Variants in CACTIN observed in about 807,000 individuals in gnomAD.
CACTIN encodes cactin, spliceosome C complex subunit.
A neutral mutation model predicts 84.9 loss-of-function variants in CACTIN; 20 were observed. The observed-to-expected ratio is 0.24, with a 90% confidence interval of 0.17 to 0.34. The LOEUF (loss-of-function observed/expected upper bound fraction) is 0.34, where lower values mean the gene tolerates loss of function less well. CACTIN is among the 10% of genes least tolerant of loss of function. The probability of loss-of-function intolerance (pLI) is 1.00; values close to 1 mark genes in which losing one functional copy is unlikely to be tolerated. For synonymous variants in CACTIN, 549 were observed against 467.9 expected, an observed-to-expected ratio of 1.17 and a Z score of -2.24; for missense variants, 897 against 1,117.2, an observed-to-expected ratio of 0.80 and a Z score of 2.81.
Position 3,623,739 on chromosome 19 carries a change from G to T in CACTIN, c.591C>A (p.Thr197=). 1 of 1,613,690 alleles carries T rather than the reference G, an allele frequency of 6.2e-7. No homozygotes were observed. The change falls in exon 2 of 10, where the codon ACC becomes ACA. Residue 197 remains threonine (T), a synonymous_variant. Coordinates refer to ENST00000429344, the MANE Select transcript of CACTIN (RefSeq NM_001080543.2). The part of the protein sequence containing the change: ...WGEEYMGYTN[T]DNPFGDNNLL... ...GGTTGTTGTCTCCGAAGGGGTTGTC[G>T]GTGTTGGTGTAGCCCATGTACTCCT...
intron 9 of CACTIN, 131 bp from the exon 10 acceptor site, chr19:3,612,544 C>T: frequency 7.5e-7 from 1 of 1,338,656 alleles, no homozygotes. Flanking sequence ...AGCTAAGGCA[C>T]ATGGGGAGGG....
chr19:3,618,073 C>T (rs938403818), intron 6 of CACTIN, among the ~76,000 whole-genome samples: 3 of 151,814 alleles, frequency 2.0e-5, no homozygotes, highest in Admixed American at 1.3e-4. Flanking sequence ...CCGGGTCTAT[C>T]GACAGGGATG....
In CACTIN at chr19:3,612,426, C is replaced by T. The variant is rs771607528; in HGVS notation, c.1787-13G>A. The T allele has an allele frequency of 3.8e-6, 6 of 1,570,492 alleles. No homozygotes were observed. The highest frequency in any genetic ancestry group is 2.3e-5 in the East Asian group (1 of 44,366). On this transcript the variant is annotated splice_polypyrimidine_tract_variant and intron_variant, in intron 9 of 9. Coordinates refer to ENST00000429344, the MANE Select transcript of CACTIN (RefSeq NM_001080543.2). The stretch of plus-strand genomic sequence containing the variant: ...TCGCTGGCGTCTCCTGCGGGCGGGA[C>T]GGCGTTCACCCGGGCCTCGGCCTCC...
Position 3,623,791 on chromosome 19 carries a change from T to C in CACTIN, c.539A>G (p.Lys180Arg), listed in dbSNP as rs770714598. ...ACCCCAGCCCATCTTCTCCCGCTTC[T>C]TGCGCTCCTTGGCCTCCTTCTTGGC... ...RLAKKEAKER[K>R]KREKMGWGEE... The change falls in exon 2 of 10, where the codon AAG (lysine) becomes AGG (arginine). Residue 180 changes from lysine to arginine, a missense_variant. Lys to Arg is a conservative substitution (Grantham distance 26). Transcript: ENST00000429344. The C allele has an allele frequency of 2.2e-5, 36 of 1,613,852 alleles. No homozygotes were observed. The highest frequency in any genetic ancestry group is 5.1e-6 in the Non-Finnish European group (6 of 1,179,896).
intron 2 of CACTIN, 124 bp downstream of exon 2, chr19:3,623,564 T>C (rs2033269269): frequency 2.5e-6 from 2 of 794,230 alleles, no homozygotes; most frequent in Non-Finnish European, 3.9e-6. Flanking sequence ...AGCTTGCTTA[T>C]GCGTGTGTGT....
rs371376477 is a variant in CACTIN, at chr19:3,620,229, C to G, written c.782G>C (p.Arg261Pro). Reference protein sequence around the residue: ...RLEREREKAMREQELEMLQRE... With the variant: ...RLEREREKAMPEQELEMLQRE... ...CTGCAGCATCTCCAGCTCCTGCTCGCGCATGGCCTTCTCCCGCTCCCGCTC... is the reference window on the plus strand; with the variant it reads ...CTGCAGCATCTCCAGCTCCTGCTCGGGCATGGCCTTCTCCCGCTCCCGCTC... The change falls in exon 4 of 10, where the codon CGC becomes CCC. Residue 261 changes from arginine (R) to proline (P), a missense_variant. Around this residue, in one of 8 missense-constraint regions of CACTIN, gnomAD observed 304 missense variants for 444.3 expected, o/e 0.68. Coordinates refer to ENST00000429344, the MANE Select transcript of CACTIN (RefSeq NM_001080543.2). 6.3e-7 allele frequency: 1 copy of G among 1,598,484 alleles called. No homozygotes were observed.
Position 3,611,237 on chromosome 19 carries a change from G to A in CACTIN, c.*686C>T. On this transcript the variant is annotated 3_prime_UTR_variant, in exon 10 of 10. Coordinates refer to ENST00000429344, the MANE Select transcript of CACTIN (RefSeq NM_001080543.2). The stretch of plus-strand genomic sequence containing the variant: ...CGACGCATCCTCCATACCCGCTGCG[G>A]GGAAATGGACCCCACCAGCCAGCAC... The A allele has an allele frequency of 2.3e-6, 1 of 441,042 alleles. No individual in the cohort carries two copies. The highest frequency in any genetic ancestry group is 1.6e-5 in the South Asian group (1 of 62,718). The allele number at this position is 441,042 out of a possible 1,614,324, so 27.3% of individuals were successfully genotyped here.
chr19:3,624,683 G>T (rs1399298339), intron 1 of CACTIN, among the ~76,000 whole-genome samples: 1 of 152,048 alleles, frequency 6.6e-6, no homozygotes, highest in Non-Finnish European at 1.5e-5. Context: ...GAATTATAAG[G>T]GTACGAACCA....
chr19:3,613,468 G>C lies in CACTIN; in HGVS notation c.1474C>G (p.Arg492Gly). The C allele has an allele frequency of 6.3e-7, 1 of 1,578,062 alleles. No homozygotes were observed. Among genetic ancestry groups the C allele is most frequent in the Non-Finnish European group, 8.6e-7 (1 of 1,166,822 alleles). The change falls in exon 8 of 10, where the codon CGC becomes GGC. Residue 492 changes from arginine (R) to glycine (G), a missense_variant. Arg to Gly is a moderately radical substitution (Grantham distance 125). Around this residue, in one of 8 missense-constraint regions of CACTIN, gnomAD observed 243 missense variants for 239.9 expected, o/e 1.01. Transcript: ENST00000429344. Reference sequence around the variant, plus strand: ...CGGGGTGCCGGCCGGGCCTACCTGCGGCTGGGGGACTGGGGCTCCTGCTTG... The same window carrying C: ...CGGGGTGCCGGCCGGGCCTACCTGCCGCTGGGGGACTGGGGCTCCTGCTTG... ...ILKQEPQSPSRSLEPEDAAPT... is the reference protein window; with the variant it reads ...ILKQEPQSPSGSLEPEDAAPT...
In CACTIN at chr19:3,612,422, G is replaced by A. The variant is rs541113330; in HGVS notation, c.1787-9C>T. The stretch of plus-strand genomic sequence containing the variant: ...GCTCTCGCTGGCGTCTCCTGCGGGC[G>A]GGACGGCGTTCACCCGGGCCTCGGC... On this transcript the variant is annotated splice_polypyrimidine_tract_variant and intron_variant, in intron 9 of 9. Coordinates refer to ENST00000429344, the MANE Select transcript of CACTIN (RefSeq NM_001080543.2). 4.5e-5 allele frequency: 71 copies of A among 1,575,930 alleles called. No homozygotes were observed. In the South Asian group the frequency reaches 7.8e-4, roughly 17 times the overall value.
chr19:3,624,106 G>C lies in CACTIN; in HGVS notation c.224C>G (p.Pro75Arg). ...QRSGMRSRSPPRPKWHSRDGS... is the reference protein window; with the variant it reads ...QRSGMRSRSPRRPKWHSRDGS... ...ATCTCTTGAGTGCCACTTGGGCCGC[G>C]GGGGGCTCCGGCTTCGCATCCCTGA... is the stretch of plus-strand genomic sequence containing the variant. The change falls in exon 2 of 10, where the codon CCG (proline) becomes CGG (arginine). Residue 75 changes from proline (P) to arginine (R), a missense_variant. Coordinates refer to ENST00000429344, the MANE Select transcript of CACTIN (RefSeq NM_001080543.2). 15 of 1,588,638 alleles carry C rather than the reference G, an allele frequency of 9.4e-6. No individual in the cohort carries two copies. Among genetic ancestry groups the C allele is most frequent in the South Asian group, 3.3e-5 (3 of 90,644 alleles).
In CACTIN at chr19:3,611,326, G is replaced by A. The variant is rs779948824; in HGVS notation, c.*597C>T. 6.6e-6 allele frequency: 3 copies of A among 454,372 alleles called. No homozygotes were observed. Among genetic ancestry groups the A allele is most frequent in the Non-Finnish European group, 8.8e-6 (2 of 226,506 alleles). 28.1% of individuals were successfully genotyped at this position (454,372 alleles called of 1,614,324 possible). On this transcript the variant is annotated 3_prime_UTR_variant, in exon 10 of 10. Coordinates refer to ENST00000429344, the MANE Select transcript of CACTIN (RefSeq NM_001080543.2). ...TCCACAGAGGGTCTCTTCTGCAGTG[G>A]CGGATCGGGCGCCAGCAGGGTCCCG...
intron 4 of CACTIN, among the ~76,000 whole-genome samples, chr19:3,619,486 G>A (rs1359286669): frequency 6.6e-6 from 1 of 152,232 alleles, no homozygotes; most frequent in African/African-American, 2.4e-5. Flanking sequence ...AGGTGGGCCA[G>A]GTGGGAGGGG....
At chr19:3,618,510 T>C (rs922951856) in intron 6 of CACTIN, among the ~76,000 whole-genome samples, 32 of 152,252 alleles carry the variant, frequency 2.1e-4, no homozygotes, top group African/African-American at 7.7e-4. Context: ...GAAGCTGGGC[T>C]GCACGGCCTT....
intron 6 of CACTIN, chr19:3,614,980 AG>A: frequency 3.1e-6 from 1 of 318,662 alleles, no homozygotes; most frequent in Non-Finnish European, 6.1e-6. Context: ...GCAGTCCATG[AG>A]GGGGTTGGGG....
At chr19:3,614,218 GC>G in intron 7 of CACTIN, among the ~76,000 whole-genome samples, 178 bp downstream of exon 7, 1 of 141,732 alleles carries the variant, frequency 7.1e-6, no homozygotes. Context: ...GGGACTACGC[GC>G]CCCCCGGCCC....
At chr19:3,620,936 C>T (rs1453602424) in intron 2 of CACTIN, 134 bp from the exon 3 acceptor site, 1 of 726,204 alleles carries the variant, frequency 1.4e-6, no homozygotes, top group African/African-American at 1.7e-5. Flanking sequence ...GCACGTCTTC[C>T]ACCCCCTCCT....
At position 3,615,978 on chromosome 19, in the gene CACTIN, G is replaced by A. The variant is rs1028460561; in HGVS notation, c.1163-1389C>T. ...CGAACACTGAAACCCAAGCAGAAGA[G>A]CCCAGCCGCGAGGCTCCCAGGAAGC... On this transcript the variant is annotated intron_variant, in intron 6 of 9. Transcript: ENST00000429344. This position sits in a 1 kb window ranked among gnomAD's most constrained non-coding sequence, Gnocchi z 5.2. 1.3e-5 allele frequency: 2 copies of A among 152,068 alleles called. No individual in the cohort carries two copies. Among genetic ancestry groups the A allele is most frequent in the Non-Finnish European group, 2.9e-5 (2 of 68,048 alleles). 9.4% of individuals were successfully genotyped at this position (152,068 alleles called of 1,614,324 possible).
intron 2 of CACTIN, 98 bp from the exon 3 acceptor site, chr19:3,620,900 G>T: frequency 1.1e-6 from 1 of 928,086 alleles, no homozygotes. Context: ...CCCTTGTTTT[G>T]CAGAGAGAGG....
Sources: allele counts gnomAD v4.1 joint callset (sites outside exome capture counted in the v4.1 genomes callset), GRCh38; gene constraint gnomAD v4.1.1; regional missense constraint gnomAD v4.1.1; non-coding constraint Gnocchi (gnomAD v3.1); transcripts MANE v1.5; gene names NCBI Gene and HGNC (gene_info 2026-07-23, HGNC 2026-07-21).